Variants in SYT16 observed in about 807,000 individuals in gnomAD.
SYT16 encodes the protein synaptotagmin-16.
A neutral mutation model predicts 61.4 loss-of-function variants in SYT16; 42 were observed. That is an observed-to-expected ratio of 0.68 (90% confidence interval 0.53 to 0.89). The LOEUF is 0.89. SYT16 is among the 40% of genes least tolerant of loss of function. SYT16 has a pLI of 0.00. For missense variants in SYT16, 804 were observed against 807.3 expected (o/e 1.00, Z 0.05); for synonymous variants, 314 against 302.3 (o/e 1.04, Z -0.40).
At chr14:61,995,207 G>A (rs2052715620) in intron 2 of SYT16, among the ~76,000 whole-genome samples, 1 of 152,114 alleles carries the variant, frequency 6.6e-6, no homozygotes. Flanking sequence ...GTGGGATGAA[G>A]TGTGATTTAG....
chr14:61,894,438 G>A (rs1404854055), intron 1 of SYT16, among the ~76,000 whole-genome samples: 2 of 152,022 alleles, frequency 1.3e-5, no homozygotes, highest in Non-Finnish European at 2.9e-5. Flanking sequence ...AAACTTTTTG[G>A]TTTTACAGAG....
At chr14:61,975,209 C>T (rs546915206) in intron 2 of SYT16, among the ~76,000 whole-genome samples, 8 of 152,204 alleles carry the variant, frequency 5.3e-5, no homozygotes, top group African/African-American at 1.7e-4. Flanking sequence ...ATCTGTGCAC[C>T]TTTCCCACTC....
intron 1 of SYT16, among the ~76,000 whole-genome samples, chr14:61,962,984 T>A (rs1406555550): frequency 1.3e-5 from 2 of 152,150 alleles, no homozygotes; most frequent in Non-Finnish European, 2.9e-5. Flanking sequence ...GTCAAGCAGT[T>A]TATGTATCTC....
chr14:61,877,240 G>A (rs1052799301), intron 1 of SYT16, among the ~76,000 whole-genome samples: 6 of 152,100 alleles, frequency 3.9e-5, no homozygotes, highest in Admixed American at 1.3e-4. Context: ...TGAATGGCAG[G>A]CATGTGATGG....
intron 1 of SYT16, among the ~76,000 whole-genome samples, chr14:61,900,641 C>T (rs945662272): frequency 2.0e-5 from 3 of 152,194 alleles, no homozygotes; most frequent in Non-Finnish European, 2.9e-5. Flanking sequence ...GAAGCAGCTC[C>T]GAAAGGGCAG....
Position 62,069,663 on chromosome 14 carries a change from T to C in SYT16, c.584T>C (p.Ile195Thr), listed in dbSNP as rs1209519013. Residue 195 changes from isoleucine to threonine, a missense_variant, in exon 4 of 8, where the codon ATC (isoleucine) becomes ACC (threonine). Coordinates refer to ENST00000683842, the MANE Select transcript of SYT16 (RefSeq NM_001367656.1). Reference protein sequence around the residue: ...STSSDSDEEVIKQFEISVSRS... With the variant: ...STSSDSDEEVTKQFEISVSRS... ...TCTTCTGACAGTGACGAGGAGGTGA[T>C]CAAACAATTTGAGATTTCCGTGTCC... 6.2e-7 allele frequency: 1 copy of C among 1,613,828 alleles called. No homozygotes were observed. Among genetic ancestry groups the C allele is most frequent in the African/African-American group, 1.3e-5 (1 of 74,908 alleles).
At chr14:61,879,366 G>C (rs190149108) in intron 1 of SYT16, among the ~76,000 whole-genome samples, 6 of 152,304 alleles carry the variant, frequency 3.9e-5, no homozygotes, top group Non-Finnish European at 1.5e-5. Flanking sequence ...AGCCAAGGGT[G>C]CTTGTCATAC....
intron 6 of SYT16, among the ~76,000 whole-genome samples, chr14:62,083,926 C>T (rs140102815): frequency 6.6e-6 from 1 of 152,272 alleles, no homozygotes; most frequent in East Asian, 1.9e-4. Context: ...TTGATTTACA[C>T]TAGTAATAAC....
At chr14:61,822,423 C>T (rs970173432) in intron 1 of SYT16, among the ~76,000 whole-genome samples, 1 of 152,238 alleles carries the variant, frequency 6.6e-6, no homozygotes, top group African/African-American at 2.4e-5. Context: ...TCATTCTTCT[C>T]TGGAAACACC....
At chr14:62,079,412 A>G (rs1309952648) in intron 5 of SYT16, 2 of 1,058,948 alleles carry the variant, frequency 1.9e-6, no homozygotes, top group Admixed American at 5.6e-5. Flanking sequence ...ACTTTTTACA[A>G]CATCCCTACA....
intron 1 of SYT16, among the ~76,000 whole-genome samples, chr14:61,922,799 C>A (rs891868730): frequency 6.6e-6 from 1 of 152,162 alleles, no homozygotes; most frequent in Non-Finnish European, 1.5e-5. Context: ...CCTGTAATCC[C>A]ACCACTTTGG....
chr14:61,857,725 G>T (rs942061152), intron 1 of SYT16, among the ~76,000 whole-genome samples: 2 of 152,176 alleles, frequency 1.3e-5, no homozygotes, highest in Non-Finnish European at 2.9e-5. Context: ...TCTGATGCAG[G>T]AGAGAAAGAA....
intron 3 of SYT16, among the ~76,000 whole-genome samples, chr14:62,039,834 T>TACACACACACACACACACAC (rs71449576): frequency 1.6e-5 from 2 of 124,344 alleles, no homozygotes; most frequent in Non-Finnish European, 1.8e-5. Context: ...GGCTTAAGCA[T>TACACACACACACACACACAC]ACACACACAC....
At chr14:61,833,905 G>A (rs1396537498) in intron 1 of SYT16, among the ~76,000 whole-genome samples, 2 of 149,100 alleles carry the variant, frequency 1.3e-5, no homozygotes, top group South Asian at 2.1e-4. Flanking sequence ...CTTTTTCCCT[G>A]TGGAGTCCCA....
intron 1 of SYT16, among the ~76,000 whole-genome samples, chr14:61,819,684 G>T (rs1681403891): frequency 6.6e-6 from 1 of 152,158 alleles, no homozygotes; most frequent in South Asian, 2.1e-4. Context: ...CCAATTACAA[G>T]GAGGTTTTCA....
chr14:61,842,796 G>A (rs946082217), intron 1 of SYT16, among the ~76,000 whole-genome samples: 1 of 150,700 alleles, frequency 6.6e-6, no homozygotes, highest in African/African-American at 2.4e-5. Context: ...GAGCGGGGAG[G>A]GATAGCATTA....
At chr14:61,851,975 C>T (rs1316875165) in intron 1 of SYT16, among the ~76,000 whole-genome samples, 10 of 152,136 alleles carry the variant, frequency 6.6e-5, no homozygotes, top group African/African-American at 2.4e-4. Context: ...GAAATCTTTG[C>T]CAATGCCTAT....
intron 1 of SYT16, among the ~76,000 whole-genome samples, chr14:61,869,003 T>C (rs1271286955): frequency 6.6e-6 from 1 of 152,134 alleles, no homozygotes; most frequent in Non-Finnish European, 1.5e-5. Context: ...TTCTATGTAC[T>C]CCTGATGACT....
intron 3 of SYT16, among the ~76,000 whole-genome samples, chr14:62,056,782 C>G (rs1407409203): frequency 6.6e-6 from 1 of 152,190 alleles, no homozygotes; most frequent in African/African-American, 2.4e-5. Flanking sequence ...CTTTTGTTCT[C>G]TTGCAAGCAG....
Sources: allele counts gnomAD v4.1 joint callset (sites outside exome capture counted in the v4.1 genomes callset), GRCh38; gene constraint gnomAD v4.1.1; transcripts MANE v1.5; gene names NCBI Gene and HGNC (gene_info 2026-07-23, HGNC 2026-07-21).